MIOS: variants seen among roughly 807,000 people sequenced by gnomAD.
MIOS encodes the protein meiosis regulator for oocyte development.
MIOS carries 52 observed loss-of-function variants against 96.9 expected under a neutral mutation model. That is an observed-to-expected ratio of 0.54 (90% CI 0.43 to 0.68). The LOEUF (loss-of-function observed/expected upper bound fraction) is 0.68. Among genes scored for constraint, MIOS ranks in the 30% least tolerant of loss-of-function variants. The probability of loss-of-function intolerance (pLI) is 0.00; values close to 1 mark genes in which losing one functional copy is unlikely to be tolerated. For missense variants in MIOS, 1,005 were observed against 1,052.8 expected (o/e 0.95, Z 0.63); for synonymous variants, 397 against 359.5 (o/e 1.10, Z -1.18).
chr7:7,601,049 C>CTGGG (rs1311996145), intron 11 of MIOS, among the ~76,000 whole-genome samples: 5 of 127,654 alleles, frequency 3.9e-5, no homozygotes, highest in African/African-American at 1.4e-4. Context: ...ACCAGAATCT[C>CTGGG]TGGGACACAT....
chr7:7,604,109 A>T (rs1486652664), intron 11 of MIOS, among the ~76,000 whole-genome samples: 1 of 152,110 alleles, frequency 6.6e-6, no homozygotes, highest in Non-Finnish European at 1.5e-5. Context: ...GATATACCTA[A>T]TGCTAAATGA....
Position 7,607,012 on chromosome 7 carries a change from C to G in MIOS, c.2548C>G (p.Pro850Ala). The G allele has an allele frequency of 6.2e-7, 1 of 1,611,666 alleles. No homozygotes were observed. The highest frequency in any genetic ancestry group is 8.5e-7 in the Non-Finnish European group (1 of 1,178,566). ...LSWFRDHAEC[P>A]VSACTCKCMQ... is the part of the protein sequence containing the mutation. ...TTTTTTTAGGGACCATGCAGAGTGC[C>G]CTGTGTCGGCATGCACGTGTAAATG... The change falls in exon 13 of 13, where the codon CCT becomes GCT. Residue 850 changes from proline to alanine, a missense_variant. Pro to Ala is a conservative substitution (Grantham distance 27). Transcript: ENST00000340080.
chr7:7,587,392 T>A (rs1219126335), intron 7 of MIOS, among the ~76,000 whole-genome samples: 1 of 152,190 alleles, frequency 6.6e-6, no homozygotes, highest in Non-Finnish European at 1.5e-5. Flanking sequence ...AAGTTCATAT[T>A]TCCAAGCTGT....
chr7:7,601,535 C>A (rs954217397), intron 11 of MIOS, among the ~76,000 whole-genome samples: 1 of 152,152 alleles, frequency 6.6e-6, no homozygotes, highest in African/African-American at 2.4e-5. Context: ...GAAGTTGAAT[C>A]TCTGAATAGA....
In MIOS at chr7:7,595,910, T is replaced by G. The variant is rs1784191028; in HGVS notation, c.2197-347T>G. ...TATAAGAAAATTTTGTTCAGAAGATTATATCACTGAACTGTGGTTTAGAAG... is the reference window on the plus strand; with the variant it reads ...TATAAGAAAATTTTGTTCAGAAGATGATATCACTGAACTGTGGTTTAGAAG... On this transcript the variant is annotated intron_variant, in intron 10 of 12. Transcript: ENST00000340080. Among the ~76,000 whole-genome samples the G allele has an allele frequency of 2.0e-5, 3 of 152,348 alleles. No homozygotes were observed. In the South Asian group the frequency reaches 6.2e-4, roughly 32 times the overall value.
Position 7,597,517 on chromosome 7 carries a change from T to TATAAAAAAAA in MIOS, c.2401+1056_2401+1057insATAAAAAAAA, listed in dbSNP as rs372634070. ...ATATATATATATATATATATATATA[T>TATAAAAAAAA]GAAGGCAATACGTAATGTTTTAAAT... On this transcript the variant is annotated intron_variant, in intron 11 of 12. Transcript: ENST00000340080. Among the ~76,000 whole-genome samples the TATAAAAAAAA allele has an allele frequency of 5.7e-5, 4 of 70,426 alleles. 1 individual carries two copies. Among genetic ancestry groups the TATAAAAAAAA allele is most frequent in the Non-Finnish European group, 1.1e-4 (4 of 36,506 alleles). 46.2% of individuals were successfully genotyped at this position (70,426 alleles called of 152,430 possible). A position where few individuals can be genotyped will look rare whatever the true frequency, so the allele number is the denominator to read the frequency against.
intron 5 of MIOS, chr7:7,582,705 G>GAC: frequency 1.3e-6 from 1 of 769,308 alleles, no homozygotes; most frequent in South Asian, 5.9e-5. Flanking sequence ...AAACAGACAA[G>GAC]ACACCTGCCC....
chr7:7,597,535 T>C (rs1281620555), intron 11 of MIOS, among the ~76,000 whole-genome samples: 1 of 114,298 alleles, frequency 8.7e-6, no homozygotes, highest in Non-Finnish European at 1.8e-5. Context: ...ATACGTAATG[T>C]TTTAAATGTA....
chr7:7,601,947 C>G (rs528911529), intron 11 of MIOS, among the ~76,000 whole-genome samples: 1 of 151,956 alleles, frequency 6.6e-6, no homozygotes, highest in African/African-American at 2.4e-5. Flanking sequence ...TAATCCAGCA[C>G]ATAAACAGAA....
At chr7:7,579,974 T>C (rs1360958496) in intron 5 of MIOS, among the ~76,000 whole-genome samples, 2 of 152,218 alleles carry the variant, frequency 1.3e-5, no homozygotes, top group African/African-American at 4.8e-5. Flanking sequence ...TAAAAACTCT[T>C]TGAGAAATTA....
chr7:7,572,453 A>G lies in MIOS; in HGVS notation c.-23A>G, dbSNP rs1003570887. 19 of 1,565,720 alleles carry G rather than the reference A, an allele frequency of 1.2e-5. No individual in the cohort carries two copies. In the East Asian group the frequency reaches 4.3e-4, roughly 35 times the overall value. On this transcript the variant is annotated 5_prime_UTR_variant, in exon 4 of 13. Coordinates refer to ENST00000340080, the MANE Select transcript of MIOS (RefSeq NM_019005.4). This position sits in a 1 kb window ranked among gnomAD's most constrained non-coding sequence, Gnocchi z 4.8. ...ATTTTCAGTGAATGGACCTGAGTGG[A>G]CCCTTTGATCACATCAGTAAACATG...
chr7:7,573,645 A>C lies in MIOS; in HGVS notation c.1170A>C (p.Ile390=). The change falls in exon 4 of 13, where the codon ATA becomes ATC. Residue 390 remains isoleucine, a synonymous_variant. Coordinates refer to ENST00000340080, the MANE Select transcript of MIOS (RefSeq NM_019005.4). The surrounding 1 kb of genome is among the most constrained non-coding windows in gnomAD (Gnocchi z 5.0). ...ATGATAATTCTTTAGAAAAAGATAT[A>C]GCAACGAAGATGCGTCTTCGGGCTT... ...EENDNSLEKD[I]ATKMRLRALS... is the part of the protein sequence containing the mutation. 1 of 1,614,048 alleles carries C rather than the reference A, an allele frequency of 6.2e-7. No individual in the cohort carries two copies. The highest frequency in any genetic ancestry group is 8.5e-7 in the Non-Finnish European group (1 of 1,179,936).
rs1489461544 is a variant in MIOS at position 7,566,913 on chromosome 7, TCCTCC to T, written c.-379_-375del. On this transcript the variant is annotated 5_prime_UTR_variant, in exon 1 of 13. Coordinates refer to ENST00000340080, the MANE Select transcript of MIOS (RefSeq NM_019005.4). ...TCCAAGGCCGAGGCGCCGCTGCGCG[TCCTCC>T]AGGCGTGGTGGTGGGGTCGTGGGTC... 1 of 152,120 alleles carries T rather than the reference TCCTCC, an allele frequency of 6.6e-6. No homozygotes were observed. The highest frequency in any genetic ancestry group is 1.5e-5 in the Non-Finnish European group (1 of 68,004). The allele number at this position is 152,120 out of a possible 1,614,324, so 9.4% of individuals were successfully genotyped here.
At chr7:7,590,213 T>C (rs1366745460) in intron 9 of MIOS, among the ~76,000 whole-genome samples, 1 of 152,144 alleles carries the variant, frequency 6.6e-6, no homozygotes, top group African/African-American at 2.4e-5. Flanking sequence ...GGTAGCATAC[T>C]GTGTACTGGG....
chr7:7,606,129 C>G, intron 12 of MIOS, 58 bp downstream of exon 12: 1 of 1,579,228 alleles, frequency 6.3e-7, no homozygotes, highest in Non-Finnish European at 8.6e-7. Flanking sequence ...ACACAGATTG[C>G]TTCTAAATAG....
intron 5 of MIOS, among the ~76,000 whole-genome samples, chr7:7,582,147 G>A (rs746951370): frequency 3.9e-5 from 6 of 152,032 alleles, no homozygotes; most frequent in Non-Finnish European, 8.8e-5. Flanking sequence ...TTGCAGTATT[G>A]TATGTAAATA....
intron 11 of MIOS, among the ~76,000 whole-genome samples, chr7:7,604,231 T>A (rs1331945272): frequency 6.6e-6 from 1 of 151,844 alleles, no homozygotes; most frequent in East Asian, 1.9e-4. Context: ...TAAAAAAAAA[T>A]AAAGTGCTGG....
intron 5 of MIOS, among the ~76,000 whole-genome samples, chr7:7,579,361 C>G (rs1403610460): frequency 1.3e-5 from 2 of 152,190 alleles, no homozygotes; most frequent in Non-Finnish European, 1.5e-5. Flanking sequence ...TACCTCCTAG[C>G]AGTGACCTCT....
chr7:7,592,926 G>T (rs922553028), intron 9 of MIOS, among the ~76,000 whole-genome samples: 1 of 152,188 alleles, frequency 6.6e-6, no homozygotes, highest in African/African-American at 2.4e-5. Flanking sequence ...TCTCGGTTCA[G>T]ATTCCTTATC....
Sources: gnomAD v4.1 joint callset for allele counts (sites outside exome capture counted in the v4.1 genomes callset) on GRCh38, gnomAD v4.1.1 for gene constraint, Gnocchi (gnomAD v3.1) non-coding constraint, MANE v1.5 for transcripts, NCBI Gene and HGNC (gene_info 2026-07-23, HGNC 2026-07-21) for gene names.